Variants in SDK1 observed in about 807,000 individuals in gnomAD.
SDK1 encodes protein sidekick-1.
In SDK1, 157 loss-of-function variants were observed where a neutral mutation model predicts 245.5. The ratio of observed to expected loss-of-function variants is 0.64; its 90% CI spans 0.56 to 0.73. The LOEUF is 0.73. Among genes scored for constraint, SDK1 ranks in the 30% least tolerant of loss-of-function variants. SDK1 has a pLI of 0.00. For missense variants in SDK1, 3,583 were observed against 3,002.3 expected (o/e 1.19, Z -4.52); for synonymous variants, 1,647 against 1,278.5 (o/e 1.29, Z -6.15).
intron 1 of SDK1, among the ~76,000 whole-genome samples, chr7:3,334,142 T>C (rs1209089018): frequency 1.3e-5 from 2 of 152,144 alleles, no homozygotes; most frequent in Non-Finnish European, 2.9e-5. Context: ...CCCAATGTGG[T>C]TTTTCAGCTT....
Position 3,987,275 on chromosome 7 carries a change from A to T in SDK1, c.2084A>T (p.Asp695Val). 1 of 1,614,032 alleles carries T rather than the reference A, an allele frequency of 6.2e-7. No homozygotes were observed. Among genetic ancestry groups the T allele is most frequent in the Non-Finnish European group, 8.5e-7 (1 of 1,179,982 alleles). ...GTGCTCTCTTGGGTCCGGCCCTTTG[A>T]TGGAAACAGTCCTATTCTTTATTAC... ...AVVLSWVRPFDGNSPILYYIV... is the reference protein window; with the variant it reads ...AVVLSWVRPFVGNSPILYYIV... Residue 695 changes from aspartate (D) to valine (V), a missense_variant, in exon 14 of 45, where the codon GAT becomes GTT. Coordinates refer to ENST00000404826, the MANE Select transcript of SDK1 (RefSeq NM_152744.4).
In SDK1 at chr7:4,225,662, C is replaced by T. The variant is rs150167192; in HGVS notation, c.5827+4298C>T. On this transcript the variant is annotated intron_variant, in intron 40 of 44. Transcript: ENST00000404826. The stretch of plus-strand genomic sequence containing the variant: ...GGCCGTGCGGATTAGAAGTAATTGG[C>T]GTGTCGGCGAGGGCTTCACACTGGG... 7.2e-3 allele frequency among the ~76,000 whole-genome samples: 1,091 copies of T among 152,246 alleles called. 7 individuals are homozygous for T. Among genetic ancestry groups the T allele is most frequent in the Non-Finnish European group, 8.0e-3 (547 of 68,014 alleles).
intron 1 of SDK1, among the ~76,000 whole-genome samples, chr7:3,584,193 T>C (rs1270923556): frequency 6.6e-6 from 1 of 152,164 alleles, no homozygotes; most frequent in Non-Finnish European, 1.5e-5. Context: ...CTGTAAGGCT[T>C]CTTAGGGCCC....
Position 4,072,203 on chromosome 7 carries a change from G to T in SDK1, c.3010+4267G>T, listed in dbSNP as rs1272180660. 7.2e-5 allele frequency among the ~76,000 whole-genome samples: 11 copies of T among 152,332 alleles called. No homozygotes were observed. In the East Asian group the frequency reaches 1.7e-3, roughly 24 times the overall value. On this transcript the variant is annotated intron_variant, in intron 20 of 44. Coordinates refer to ENST00000404826, the MANE Select transcript of SDK1 (RefSeq NM_152744.4). ...TTGACTTCGAAGCTCGAGCTTTCCT[G>T]GGCTGGGTGTAGCCAGAGGCCTGGG...
intron 1 of SDK1, among the ~76,000 whole-genome samples, chr7:3,430,284 AT>A (rs907133280): frequency 2.0e-5 from 3 of 151,738 alleles, no homozygotes; most frequent in Admixed American, 6.6e-5. Context: ...AATGTTCTTA[AT>A]TTTTTTTTGA....
chr7:3,554,648 G>A (rs2128624192), intron 1 of SDK1, among the ~76,000 whole-genome samples: 1 of 152,282 alleles, frequency 6.6e-6, no homozygotes, highest in African/African-American at 2.4e-5. Context: ...TAAGGAAAGA[G>A]GCACTGAGGA....
At chr7:3,474,169 C>G (rs761025540) in intron 1 of SDK1, among the ~76,000 whole-genome samples, 10 of 127,354 alleles carry the variant, frequency 7.9e-5, no homozygotes, top group Non-Finnish European at 9.5e-5. Flanking sequence ...GTGGCTCAAT[C>G]TCGGCTCACT....
intron 1 of SDK1, among the ~76,000 whole-genome samples, chr7:3,541,726 T>C (rs1254269646): frequency 6.6e-6 from 1 of 152,222 alleles, no homozygotes; most frequent in Non-Finnish European, 1.5e-5. Context: ...AGCTTTTCAG[T>C]AACTGATGGT....
At chr7:3,980,209 T>G (rs1322867734) in intron 13 of SDK1, among the ~76,000 whole-genome samples, 1 of 152,234 alleles carries the variant, frequency 6.6e-6, no homozygotes, top group Non-Finnish European at 1.5e-5. Flanking sequence ...CAGCCACAAT[T>G]TCACCAATTG....
chr7:3,733,533 T>C (rs1779237787), intron 4 of SDK1, among the ~76,000 whole-genome samples: 2 of 152,300 alleles, frequency 1.3e-5, no homozygotes, highest in Middle Eastern at 6.8e-3. Context: ...AGTGAGTGAC[T>C]GTAGACGTGT....
intron 1 of SDK1, among the ~76,000 whole-genome samples, chr7:3,559,771 A>C (rs759743361): frequency 2.5e-4 from 38 of 152,092 alleles, no homozygotes; most frequent in Non-Finnish European, 4.0e-4. Context: ...AAAAAAAAAA[A>C]AACACAAAAA....
chr7:3,482,930 G>T lies in SDK1; in HGVS notation c.299-136150G>T, dbSNP rs534986090. The stretch of plus-strand genomic sequence containing the variant: ...CTAAGTAAACGTTAGCTATGATGAT[G>T]CTGGTGACAACAATGATGATTTCAA... On this transcript the variant is annotated intron_variant, in intron 1 of 44. Transcript: ENST00000404826. Among the ~76,000 whole-genome samples the T allele has an allele frequency of 8.0e-4, 121 of 151,584 alleles. 2 individuals are homozygous for T. The highest frequency in any genetic ancestry group is 2.8e-3 in the African/African-American group (115 of 40,832).
At chr7:3,357,020 A>G (rs776382042) in intron 1 of SDK1, among the ~76,000 whole-genome samples, 2 of 139,268 alleles carry the variant, frequency 1.4e-5, no homozygotes. Flanking sequence ...GTGCCACTGC[A>G]CTCCAGCCTG....
At chr7:3,716,874 C>T (rs1305083581) in intron 4 of SDK1, among the ~76,000 whole-genome samples, 1 of 151,364 alleles carries the variant, frequency 6.6e-6, no homozygotes, top group East Asian at 1.9e-4. Flanking sequence ...AGAAAATGAT[C>T]AGAGAAGAAG....
intron 5 of SDK1, among the ~76,000 whole-genome samples, chr7:3,914,453 G>A (rs1182894197): frequency 6.6e-6 from 1 of 152,214 alleles, no homozygotes; most frequent in Non-Finnish European, 1.5e-5. Context: ...GCAGAAATGA[G>A]AAAACCTAAG....
At chr7:3,588,803 G>A (rs1164867846) in intron 1 of SDK1, among the ~76,000 whole-genome samples, 1 of 152,134 alleles carries the variant, frequency 6.6e-6, no homozygotes, top group Non-Finnish European at 1.5e-5. Context: ...AAGCTACTTT[G>A]CATCACTACT....
intron 1 of SDK1, among the ~76,000 whole-genome samples, chr7:3,616,574 T>C (rs1489748566): frequency 6.6e-6 from 1 of 152,178 alleles, no homozygotes; most frequent in Admixed American, 6.5e-5. Flanking sequence ...CTAGGTTAAA[T>C]CTCCTACTGT....
At chr7:4,049,707 G>C (rs1789296379) in intron 18 of SDK1, among the ~76,000 whole-genome samples, 1 of 152,168 alleles carries the variant, frequency 6.6e-6, no homozygotes, top group Admixed American at 6.5e-5. Flanking sequence ...TATGAGAAAG[G>C]CCATTCATTT....
intron 4 of SDK1, among the ~76,000 whole-genome samples, chr7:3,818,064 A>G (rs1413356979): frequency 6.6e-6 from 1 of 152,152 alleles, no homozygotes; most frequent in Non-Finnish European, 1.5e-5. Context: ...TCTCATCCAT[A>G]TTGTACTCAG....
Sources: gnomAD v4.1 joint callset for allele counts (sites outside exome capture counted in the v4.1 genomes callset) on GRCh38, gnomAD v4.1.1 for gene constraint, MANE v1.5 for transcripts, NCBI Gene and HGNC (gene_info 2026-07-23, HGNC 2026-07-21) for gene names.